Variants in TTC12 observed in about 807,000 individuals in gnomAD.
TTC12 encodes tetratricopeptide repeat domain 12.
In TTC12, 70 loss-of-function variants were observed where a neutral mutation model predicts 90.1. The ratio of observed to expected loss-of-function variants is 0.78; its 90% CI spans 0.64 to 0.95. TTC12 has a LOEUF of 0.95. Ranked by LOEUF, TTC12 falls within the 40% of genes least tolerant of loss-of-function variation. The probability of loss-of-function intolerance (pLI) is 0.00; values close to 1 mark genes in which losing one functional copy is unlikely to be tolerated. For synonymous variants in TTC12, 296 were observed against 311.5 expected (o/e 0.95, Z 0.53); for missense variants, 819 against 846.1 (o/e 0.97, Z 0.40).
intron 16 of TTC12, among the ~76,000 whole-genome samples, chr11:113,353,633 A>G (rs1189008721): frequency 6.6e-6 from 1 of 152,086 alleles, no homozygotes; most frequent in Non-Finnish European, 1.5e-5. Flanking sequence ...TTGAGTTAAT[A>G]TTTGTATATT....
chr11:113,324,562 T>G (rs1947564743), intron 4 of TTC12, 43 bp from the exon 5 acceptor site: 3 of 1,545,254 alleles, frequency 1.9e-6, no homozygotes, highest in East Asian at 4.5e-5. Context: ...GATTATAGTA[T>G]TTGGATTTTT....
At position 113,352,788 on chromosome 11, in the gene TTC12, C is replaced by CT. The variant is rs1949383840; in HGVS notation, c.1446+587dup. Among the ~76,000 whole-genome samples, 5 of 152,184 alleles carry CT rather than the reference C, an allele frequency of 3.3e-5. No individual in the cohort carries two copies. In the South Asian group the frequency reaches 1.0e-3, roughly 32 times the overall value. ...TTTCTGCAAAGGACATAATCTCTTT[C>CT]TTTTTTATGGCTCTGTGGTATTCCG... On this transcript the variant is annotated intron_variant, in intron 16 of 21. Transcript: ENST00000529221.
intron 2 of TTC12, among the ~76,000 whole-genome samples, chr11:113,320,758 G>A (rs1367195729): frequency 6.6e-6 from 1 of 152,230 alleles, no homozygotes; most frequent in Non-Finnish European, 1.5e-5. Context: ...GCCCAACTGG[G>A]CTCCTGCACT....
chr11:113,341,779 A>G, intron 11 of TTC12, 58 bp from the exon 12 acceptor site: 3 of 1,372,770 alleles, frequency 2.2e-6, no homozygotes, highest in Non-Finnish European at 3.1e-6. Flanking sequence ...ACCAAATGGA[A>G]AAGAAAATCA....
At position 113,339,427 on chromosome 11, in the gene TTC12, T is replaced by G. The variant is rs782053880; in HGVS notation, c.779T>G (p.Leu260Trp). The part of the protein sequence containing the change: ...ETLSKPDQIP[L>W]FYAGGIEILT... The stretch of plus-strand genomic sequence containing the variant: ...CTTTCCAAGCCTGACCAGATCCCCT[T>G]GTTCTATGCTGGGGGGATTGAGATC... The change falls in exon 10 of 22, where the codon TTG becomes TGG. Residue 260 changes from leucine to tryptophan, a missense_variant. Leu to Trp is a moderately conservative substitution (Grantham distance 61). Transcript: ENST00000529221. The G allele has an allele frequency of 1.9e-6, 3 of 1,613,162 alleles. No homozygotes were observed. Among genetic ancestry groups the G allele is most frequent in the Non-Finnish European group, 2.5e-6 (3 of 1,179,832 alleles).
intron 2 of TTC12, among the ~76,000 whole-genome samples, chr11:113,319,396 G>C (rs1204174123): frequency 6.6e-6 from 1 of 152,002 alleles, no homozygotes; most frequent in Non-Finnish European, 1.5e-5. Context: ...AATAGGAAAA[G>C]GGCATTAGGG....
At chr11:113,316,049 C>G in intron 1 of TTC12, 194 bp from the exon 2 acceptor site, 1 of 382,456 alleles carries the variant, frequency 2.6e-6, no homozygotes, top group East Asian at 3.8e-5. Context: ...GAAGCATTGC[C>G]GCACGTAAAT....
At chr11:113,366,403 C>T, downstream of TTC12, 2 of 1,563,928 alleles carry the variant, frequency 1.3e-6, no homozygotes, top group Admixed American at 1.8e-5. Flanking sequence ...GAATCAAGTA[C>T]TCATTTTTAG....
In TTC12 at chr11:113,371,807, G is replaced by A. The variant is rs138270576; in HGVS notation, c.*121-1317G>A. Among the ~76,000 whole-genome samples the A allele has an allele frequency of 8.5e-5, 13 of 152,218 alleles. No homozygotes were observed. In the East Asian group the frequency reaches 2.1e-3, roughly 25 times the overall value. ...ACCTTAGTGAGTGGCTTAGCCCCTC[G>A]ATTGCCTTGTCTGTAAAAGGCAATA... is the stretch of plus-strand genomic sequence containing the variant. On this transcript the variant is annotated intron_variant, in intron 21 of 21. Coordinates refer to the TTC12 transcript ENST00000314756.
chr11:113,368,263 G>A (rs1003026362), downstream of TTC12: 8 of 1,528,190 alleles, frequency 5.2e-6, no homozygotes, highest in Non-Finnish European at 6.1e-6. Context: ...TCGCAGGTGG[G>A]AAGAGATGTT....
At chr11:113,347,044 A>C (rs895850119) in intron 13 of TTC12, among the ~76,000 whole-genome samples, 2 of 152,174 alleles carry the variant, frequency 1.3e-5, no homozygotes, top group Non-Finnish European at 2.9e-5. Context: ...GGATGTGTGC[A>C]TTGTCACATA....
intron 7 of TTC12, among the ~76,000 whole-genome samples, chr11:113,334,123 A>C (rs780095618): frequency 2.0e-5 from 3 of 152,226 alleles, no homozygotes. Context: ...GGGACATTTT[A>C]GACTCCCGAG....
At chr11:113,370,338 C>T (rs982530644), downstream of TTC12, among the ~76,000 whole-genome samples, 3 of 152,304 alleles carry the variant, frequency 2.0e-5, no homozygotes, top group African/African-American at 4.8e-5. Context: ...GTTCTTTTCT[C>T]CTAAAGCCCC....
intron 2 of TTC12, among the ~76,000 whole-genome samples, chr11:113,319,512 C>T (rs538919275): frequency 9.2e-5 from 14 of 152,118 alleles, no homozygotes; most frequent in Admixed American, 2.0e-4. Context: ...CGTATTTAAT[C>T]CTAGGAAGAC....
chr11:113,339,713 G>A (rs1233761036), intron 10 of TTC12, among the ~76,000 whole-genome samples: 4 of 152,092 alleles, frequency 2.6e-5, no homozygotes, highest in African/African-American at 4.8e-5. Flanking sequence ...AACACAACAC[G>A]TACACGTGGC....
chr11:113,358,131 A>G (rs1276849996), intron 16 of TTC12, among the ~76,000 whole-genome samples: 1 of 152,196 alleles, frequency 6.6e-6, no homozygotes, highest in Non-Finnish European at 1.5e-5. Context: ...ACTCTATGCC[A>G]TGCTAGCACA....
intron 16 of TTC12, among the ~76,000 whole-genome samples, chr11:113,353,574 T>C (rs1307888995): frequency 1.3e-5 from 2 of 152,204 alleles, no homozygotes; most frequent in African/African-American, 2.4e-5. Flanking sequence ...TAGGTTATCT[T>C]CCAGGGTTTT....
chr11:113,320,311 C>T (rs1426748951), intron 2 of TTC12, among the ~76,000 whole-genome samples: 1 of 152,142 alleles, frequency 6.6e-6, no homozygotes, highest in Non-Finnish European at 1.5e-5. Context: ...ATCCTGTGCC[C>T]ATGTAAACTC....
intron 21 of TTC12, among the ~76,000 whole-genome samples, chr11:113,366,012 G>A (rs541458552): frequency 5.3e-5 from 8 of 152,312 alleles, no homozygotes; most frequent in South Asian, 4.1e-4. Flanking sequence ...CACCTGCAGC[G>A]AGTGTTTTCA....
Sources: gnomAD v4.1 joint callset for allele counts (sites outside exome capture counted in the v4.1 genomes callset) on GRCh38, gnomAD v4.1.1 for gene constraint, MANE v1.5 for transcripts, NCBI Gene and HGNC (gene_info 2026-07-23, HGNC 2026-07-21) for gene names.